PARD3B: variants seen among roughly 807,000 people sequenced by gnomAD.
PARD3B encodes par-3 family cell polarity regulator beta.
In PARD3B, 103 loss-of-function variants were observed where a neutral mutation model predicts 130.2. The observed-to-expected ratio is 0.79, with a 90% CI of 0.67 to 0.93. PARD3B has a LOEUF of 0.93. Among genes scored for constraint, PARD3B ranks in the 40% least tolerant of loss-of-function variants. The pLI is 0.00. For missense variants in PARD3B, 1,609 were observed against 1,499.2 expected (o/e 1.07, Z -1.21); for synonymous variants, 583 against 553.2 (o/e 1.05, Z -0.76).
At chr2:204,875,345 C>T (rs1209142651) in intron 2 of PARD3B, among the ~76,000 whole-genome samples, 1 of 152,174 alleles carries the variant, frequency 6.6e-6, no homozygotes, top group African/African-American at 2.4e-5. Context: ...TATATCTGTA[C>T]ACCTTAAGCA....
chr2:204,962,043 T>C (rs1481850657), intron 2 of PARD3B, among the ~76,000 whole-genome samples: 1 of 152,120 alleles, frequency 6.6e-6, no homozygotes, highest in East Asian at 1.9e-4. Flanking sequence ...GTTTGTTTGA[T>C]GGGAGAACTT....
chr2:204,545,706 T>G lies in PARD3B; in HGVS notation c.-294T>G, dbSNP rs2029878728. ...AGCAGCCGCCTGGGCCGGGCAGGAG[T>G]AGGAGCGGGAGGAGGAGGAGGAGGA... On this transcript the variant is annotated 5_prime_UTR_variant, in exon 1 of 23. Transcript: ENST00000406610. 1.9e-5 allele frequency: 5 copies of G among 269,536 alleles called. No individual in the cohort carries two copies. Among genetic ancestry groups the G allele is most frequent in the Non-Finnish European group, 2.7e-5 (4 of 149,924 alleles). The allele number at this position is 269,536 out of a possible 1,614,324, so 16.7% of individuals were successfully genotyped here. A position where few individuals can be genotyped will look rare whatever the true frequency, so the allele number is the denominator to read the frequency against.
intron 2 of PARD3B, among the ~76,000 whole-genome samples, chr2:204,901,359 G>A (rs1051420875): frequency 3.9e-5 from 6 of 151,982 alleles, no homozygotes; most frequent in African/African-American, 7.3e-5. Flanking sequence ...AGGTAAAGTC[G>A]TCTCTCCCTG....
chr2:204,937,822 A>C (rs1420032975), intron 2 of PARD3B, among the ~76,000 whole-genome samples: 1 of 152,190 alleles, frequency 6.6e-6, no homozygotes, highest in Non-Finnish European at 1.5e-5. Context: ...CTGGGTACCC[A>C]AGTAAATATG....
At chr2:205,201,880 A>G (rs903830490) in intron 15 of PARD3B, among the ~76,000 whole-genome samples, 1 of 152,210 alleles carries the variant, frequency 6.6e-6, no homozygotes, top group African/African-American at 2.4e-5. Context: ...ATATAGTTAT[A>G]TGTTTTAACT....
chr2:204,869,559 A>T (rs186890129), intron 2 of PARD3B, among the ~76,000 whole-genome samples: 4 of 152,238 alleles, frequency 2.6e-5, no homozygotes, highest in Admixed American at 2.0e-4. Context: ...TATATTTAGG[A>T]ATACCTAGGA....
At chr2:205,527,261 G>A (rs556285961) in intron 21 of PARD3B, among the ~76,000 whole-genome samples, 1 of 152,252 alleles carries the variant, frequency 6.6e-6, no homozygotes, top group African/African-American at 2.4e-5. Context: ...GGGAGTGTGG[G>A]TTAGCACAAA....
chr2:205,143,731 C>T (rs1388295511), intron 10 of PARD3B, among the ~76,000 whole-genome samples: 2 of 152,136 alleles, frequency 1.3e-5, no homozygotes, highest in Admixed American at 1.3e-4. Flanking sequence ...AAGAACCTGG[C>T]ATGAACAGTG....
Position 205,434,807 on chromosome 2 carries a change from T to C in PARD3B, c.2742-5563T>C, listed in dbSNP as rs1254407147. Among the ~76,000 whole-genome samples the C allele has an allele frequency of 3.3e-5, 5 of 152,180 alleles. No homozygotes were observed. In the East Asian group the frequency reaches 9.6e-4, roughly 29 times the overall value. The stretch of plus-strand genomic sequence containing the variant: ...CAAGTTTACAAGAAATAAAGATGCC[T>C]TTTGGTACAGGGTATTTAATGTTTT... On this transcript the variant is annotated intron_variant, in intron 19 of 22. Coordinates refer to ENST00000406610, the MANE Select transcript of PARD3B (RefSeq NM_001302769.2).
At chr2:204,870,113 C>G (rs2045574520) in intron 2 of PARD3B, among the ~76,000 whole-genome samples, 2 of 152,118 alleles carry the variant, frequency 1.3e-5, no homozygotes, top group South Asian at 4.1e-4. Context: ...TCTTCGCCCT[C>G]CATTTCTCTG....
intron 4 of PARD3B, among the ~76,000 whole-genome samples, chr2:205,072,441 G>A (rs1437213424): frequency 6.6e-6 from 1 of 151,886 alleles, no homozygotes; most frequent in African/African-American, 2.4e-5. Context: ...GGTAGAGACG[G>A]GGTTTCACCA....
chr2:205,357,201 T>G (rs112918662), intron 18 of PARD3B, among the ~76,000 whole-genome samples: 7 of 152,318 alleles, frequency 4.6e-5, no homozygotes, highest in Non-Finnish European at 7.4e-5. Context: ...GAGAAGGACA[T>G]TTTTTCCTAC....
rs35829152 is a variant in PARD3B, at chr2:205,310,719, C to CTTTCT, written c.2630+9021_2630+9022insCTTTT. ...TATTTCTTCCTTTCTTTCTTTCTTT[C>CTTTCT]TTTTTTTTTTTTTTTTTTTTTTGAG... On this transcript the variant is annotated intron_variant, in intron 18 of 22. Transcript: ENST00000406610. Among the ~76,000 whole-genome samples the CTTTCT allele has an allele frequency of 7.3e-5, 6 of 82,610 alleles. No individual in the cohort carries two copies. The East Asian group carries it at 1.6e-3, about 22-fold the overall frequency. 54.2% of individuals were successfully genotyped at this position (82,610 alleles called of 152,430 possible). A position where few individuals can be genotyped will look rare whatever the true frequency, so the allele number is the denominator to read the frequency against.
rs1046583087 is a variant in PARD3B, at chr2:205,265,074, C to G, written c.2185+19252C>G. 7.1e-6 allele frequency among the ~76,000 whole-genome samples: 1 copy of G among 141,692 alleles called. No individual in the cohort carries two copies. Among genetic ancestry groups the G allele is most frequent in the African/African-American group, 2.6e-5 (1 of 38,712 alleles). 93.0% of individuals were successfully genotyped at this position (141,692 alleles called of 152,430 possible). On this transcript the variant is annotated intron_variant, in intron 16 of 22. Coordinates refer to ENST00000406610, the MANE Select transcript of PARD3B (RefSeq NM_001302769.2). This position sits in a 1 kb window ranked among gnomAD's most constrained non-coding sequence, Gnocchi z 4.3. ...CAGGGAAAAATATCAACAGCGAAAC[C>G]GGATAGATGTGGCACCAATAGCTTA...
intron 2 of PARD3B, among the ~76,000 whole-genome samples, chr2:204,910,415 G>T (rs1315932723): frequency 2.0e-5 from 3 of 152,130 alleles, no homozygotes; most frequent in Admixed American, 6.6e-5. Context: ...TAAGAAATTT[G>T]TAATAACCAA....
At chr2:205,002,519 G>C (rs1291905403) in intron 3 of PARD3B, among the ~76,000 whole-genome samples, 1 of 152,090 alleles carries the variant, frequency 6.6e-6, no homozygotes, top group Admixed American at 6.5e-5. Flanking sequence ...CCTCTCTGCT[G>C]TCCTGAAGCA....
At chr2:205,083,078 C>A (rs184466007) in intron 4 of PARD3B, among the ~76,000 whole-genome samples, 1 of 151,982 alleles carries the variant, frequency 6.6e-6, no homozygotes, top group Non-Finnish European at 1.5e-5. Flanking sequence ...CACTACCATG[C>A]CTGGCTAATT....
At chr2:205,576,553 T>A (rs1575404820) in intron 22 of PARD3B, among the ~76,000 whole-genome samples, 1 of 152,304 alleles carries the variant, frequency 6.6e-6, no homozygotes, top group Admixed American at 6.5e-5. Flanking sequence ...GAAAAGACGA[T>A]CTCTTCTCCA....
chr2:205,209,829 C>T (rs2037525735), intron 15 of PARD3B, among the ~76,000 whole-genome samples: 1 of 151,804 alleles, frequency 6.6e-6, no homozygotes, highest in Admixed American at 6.6e-5. Flanking sequence ...ATGAATAAGG[C>T]CTAGTATTTG....
Sources: gnomAD v4.1 joint callset for allele counts (sites outside exome capture counted in the v4.1 genomes callset) on GRCh38, gnomAD v4.1.1 for gene constraint, Gnocchi (gnomAD v3.1) non-coding constraint, MANE v1.5 for transcripts, NCBI Gene and HGNC (gene_info 2026-07-23, HGNC 2026-07-21) for gene names.